The following NLGN4X variants were observed in gnomAD, a reference collection of about 807,000 sequenced individuals.
NLGN4X encodes the protein neuroligin 4 X-linked.
NLGN4X carries 3 observed loss-of-function variants against 40.3 expected under a neutral mutation model. That is an observed-to-expected ratio of 0.07 (90% CI 0.03 to 0.19). The LOEUF (loss-of-function observed/expected upper bound fraction) is 0.19. NLGN4X is among the 10% of genes least tolerant of loss of function. The probability of loss-of-function intolerance (pLI) is 1.00; values close to 1 mark genes in which losing one functional copy is unlikely to be tolerated. For synonymous variants in NLGN4X, 270 were observed against 306.8 expected (o/e 0.88, Z 1.25); for missense variants, 382 against 708.3 (o/e 0.54, Z 5.23).
rs1438337783 is a variant in NLGN4X at position 6,147,772 on chromosome X, C to A, written c.472+3223G>T. On this transcript the variant is annotated intron_variant, in intron 2 of 5. Transcript: ENST00000381095. ...TGGCCCACGTGTCCTACTAGAGCTTCCGACTGGCTTGACTGACTTTGACCT... is the reference window on the plus strand; with the variant it reads ...TGGCCCACGTGTCCTACTAGAGCTTACGACTGGCTTGACTGACTTTGACCT... Among the ~76,000 whole-genome samples the A allele has an allele frequency of 3.6e-5, 4 of 111,576 alleles. No individual in the cohort carries two copies. In the East Asian group the frequency reaches 1.1e-3, roughly 31 times the overall value.
chrX:6,008,069 C>G (rs2036148863), intron 3 of NLGN4X, among the ~76,000 whole-genome samples: 1 of 112,145 alleles, frequency 8.9e-6, no homozygotes, highest in Non-Finnish European at 1.9e-5. Context: ...GATATGACAA[C>G]TTCAGACTTT....
intron 3 of NLGN4X, among the ~76,000 whole-genome samples, chrX:5,948,353 C>A (rs1399327149): frequency 1.8e-5 from 2 of 112,007 alleles, no homozygotes; most frequent in Non-Finnish European, 3.8e-5. Context: ...ATATCCTTGA[C>A]CTTTTGCTAT....
intron 1 of NLGN4X, among the ~76,000 whole-genome samples, chrX:6,210,988 A>G (rs1325301540): frequency 1.8e-5 from 2 of 112,474 alleles, no homozygotes; most frequent in East Asian, 5.6e-4. Flanking sequence ...ACATATCTTT[A>G]AATGAATTAC....
intron 2 of NLGN4X, among the ~76,000 whole-genome samples, chrX:6,117,740 C>G (rs1322164745): frequency 1.8e-5 from 2 of 112,202 alleles, no homozygotes; most frequent in Non-Finnish European, 1.9e-5. Context: ...CACTGTTGTG[C>G]CCCTTGAAGT....
intron 2 of NLGN4X, among the ~76,000 whole-genome samples, chrX:6,071,984 A>T (rs1225353561): frequency 9.2e-6 from 1 of 108,773 alleles, no homozygotes; most frequent in African/African-American, 3.4e-5. Flanking sequence ...TGCCAAAAAC[A>T]CTCCATAGGA....
In NLGN4X at chrX:6,151,572, A is replaced by G. The variant is rs2040167847; in HGVS notation, c.-106T>C. On this transcript the variant is annotated 5_prime_UTR_variant, in exon 2 of 6. Transcript: ENST00000381095. The stretch of plus-strand genomic sequence containing the variant: ...GAGATAGGGCTTTCCAGGGAGCAGT[A>G]GACCTGGGAGAGACTCTCAGACTGA... The G allele has an allele frequency of 1.4e-5, 9 of 641,740 alleles. No homozygotes were observed. The highest frequency in any genetic ancestry group is 3.2e-4 in the Middle Eastern group (1 of 3,123). 52.9% of individuals were successfully genotyped at this position (641,740 alleles called of 1,213,427 possible).
In NLGN4X at chrX:6,029,499, G is replaced by GA. The variant is rs2036798899; in HGVS notation, c.473-68dup. Reference sequence around the variant, plus strand: ...CACTGACTCACCAATGCTAAATTAAGAAAAAAGGAGATTCACTGATTTCCC... The same window carrying GA: ...CACTGACTCACCAATGCTAAATTAAGAAAAAAAGGAGATTCACTGATTTCCC... On this transcript the variant is annotated intron_variant, in intron 2 of 5. Transcript: ENST00000381095. 2.9e-6 allele frequency: 3 copies of GA among 1,039,844 alleles called. No homozygotes were observed. In the South Asian group the frequency reaches 6.1e-5, roughly 21 times the overall value. The allele number at this position is 1,039,844 out of a possible 1,213,427, so 85.7% of individuals were successfully genotyped here. A position where few individuals can be genotyped will look rare whatever the true frequency, so the allele number is the denominator to read the frequency against.
chrX:6,003,258 G>A (rs1317055571), intron 3 of NLGN4X, among the ~76,000 whole-genome samples: 1 of 112,016 alleles, frequency 8.9e-6, no homozygotes, highest in East Asian at 2.8e-4. Context: ...GCTTACAGTG[G>A]CGTGAAAGCA....
intron 2 of NLGN4X, among the ~76,000 whole-genome samples, chrX:6,032,225 G>GCTCC (rs2036880444): frequency 1.4e-5 from 1 of 71,075 alleles, no homozygotes; most frequent in African/African-American, 6.1e-5. Context: ...TGATATTTCA[G>GCTCC]CCCCCCCCCC....
At chrX:6,102,135 AATAAT>A (rs1384508911) in intron 2 of NLGN4X, among the ~76,000 whole-genome samples, 1 of 111,465 alleles carries the variant, frequency 9.0e-6, no homozygotes, top group African/African-American at 3.3e-5. Context: ...AAATAACTAA[AATAAT>A]ATAATTTGAT....
At chrX:5,978,465 G>T (rs184948281) in intron 3 of NLGN4X, among the ~76,000 whole-genome samples, 1 of 109,394 alleles carries the variant, frequency 9.1e-6, no homozygotes, top group East Asian at 2.9e-4. Flanking sequence ...GGAAAATAAC[G>T]TGACAACAGA....
intron 2 of NLGN4X, among the ~76,000 whole-genome samples, chrX:6,062,244 C>T (rs2037788905): frequency 9.0e-6 from 1 of 111,583 alleles, no homozygotes; most frequent in African/African-American, 3.3e-5. Context: ...CGATCTCCCA[C>T]ACTCCACATC....
intron 2 of NLGN4X, among the ~76,000 whole-genome samples, chrX:6,147,170 G>A (rs900813138): frequency 1.8e-5 from 2 of 111,147 alleles, no homozygotes; most frequent in Admixed American, 1.9e-4. Context: ...AGGGCTTCTC[G>A]CCCCTGAAAT....
At chrX:5,956,965 C>CTG (rs564463682) in intron 3 of NLGN4X, among the ~76,000 whole-genome samples, 382 of 106,671 alleles carry the variant, frequency 3.6e-3, no homozygotes, top group East Asian at 0.012. Flanking sequence ...TGTGTGGTGT[C>CTG]TGTGTGTGTG....
intron 3 of NLGN4X, among the ~76,000 whole-genome samples, chrX:5,932,287 T>C (rs2033574176): frequency 8.9e-6 from 1 of 112,044 alleles, no homozygotes; most frequent in Non-Finnish European, 1.9e-5. Flanking sequence ...GTTAATCTCA[T>C]AGAAGAAACA....
intron 3 of NLGN4X, among the ~76,000 whole-genome samples, chrX:5,967,237 T>A (rs191575078): frequency 8.9e-6 from 1 of 112,171 alleles, no homozygotes. Flanking sequence ...AAAATACTAA[T>A]GTTCACACCA....
intron 3 of NLGN4X, among the ~76,000 whole-genome samples, chrX:5,917,796 T>C (rs1339727329): frequency 2.7e-5 from 3 of 112,012 alleles, no homozygotes; most frequent in Non-Finnish European, 5.6e-5. Flanking sequence ...AGGGAAAAAA[T>C]TGACTGCTGG....
chrX:6,106,467 C>T (rs2039035574), intron 2 of NLGN4X, among the ~76,000 whole-genome samples: 1 of 111,392 alleles, frequency 9.0e-6, no homozygotes, highest in Non-Finnish European at 1.9e-5. Context: ...TTGCATCCAC[C>T]ATTACAGTAT....
At chrX:5,910,741 G>A (rs2032437908) in intron 3 of NLGN4X, among the ~76,000 whole-genome samples, 1 of 111,514 alleles carries the variant, frequency 9.0e-6, no homozygotes, top group East Asian at 2.8e-4. Context: ...GAAAGTCACA[G>A]GACGATTTTC....
Sources: allele counts gnomAD v4.1 joint callset (sites outside exome capture counted in the v4.1 genomes callset), GRCh38; gene constraint gnomAD v4.1.1; transcripts MANE v1.5; gene names NCBI Gene and HGNC (gene_info 2026-07-23, HGNC 2026-07-21).